RAP1A: variants seen among roughly 807,000 people sequenced by gnomAD.
RAP1A encodes ras-related protein Rap-1A.
Under a neutral mutation model 26.4 loss-of-function variants are expected in RAP1A, and 6 were observed. That is an observed-to-expected ratio of 0.23 (90% confidence interval 0.12 to 0.45). The LOEUF is 0.45. RAP1A is among the 20% of genes least tolerant of loss of function. RAP1A has a pLI of 0.99. For synonymous variants in RAP1A, 73 were observed against 79.4 expected, an observed-to-expected ratio of 0.92 and a Z score of 0.43; for missense variants, 121 against 217.2, an observed-to-expected ratio of 0.56 and a Z score of 2.78.
At chr1:111,656,317 C>T (rs1361105511) in intron 1 of RAP1A, among the ~76,000 whole-genome samples, 1 of 152,122 alleles carries the variant, frequency 6.6e-6, no homozygotes, top group Non-Finnish European at 1.5e-5. Flanking sequence ...GTCTTGAGAA[C>T]AGTTCATTCT....
At chr1:111,677,483 A>G (rs1370908887) in intron 1 of RAP1A, among the ~76,000 whole-genome samples, 1 of 152,130 alleles carries the variant, frequency 6.6e-6, no homozygotes, top group Non-Finnish European at 1.5e-5. Context: ...TGGATCAGGG[A>G]TTTGAGAGTG....
chr1:111,609,796 C>T (rs1366537368), intron 1 of RAP1A, among the ~76,000 whole-genome samples: 16 of 152,036 alleles, frequency 1.1e-4, no homozygotes, highest in Non-Finnish European at 5.9e-5. Context: ...CCACCATACC[C>T]GGCTAATTTT....
chr1:111,615,370 G>A (rs1442369116), upstream of RAP1A, among the ~76,000 whole-genome samples: 3 of 151,700 alleles, frequency 2.0e-5, no homozygotes, highest in African/African-American at 2.4e-5. Context: ...CAAAAGTCTC[G>A]ACCTAGGTTA....
Position 111,563,733 on chromosome 1 carries a change from C to G in RAP1A, c.-28+21224C>G. On this transcript the variant is annotated intron_variant, in intron 1 of 7. Transcript: ENST00000356415. ...CTCTATTTTACACGCTAGGACAAAG[C>G]ATTGATTAAGTAGCTTGCCCCATAT... is the stretch of plus-strand genomic sequence containing the variant. The G allele has an allele frequency of 5.4e-6, 4 of 741,764 alleles. 1 individual carries two copies. The highest frequency in any genetic ancestry group is 9.4e-6 in the Non-Finnish European group (4 of 425,588). The allele number at this position is 741,764 out of a possible 1,614,324, so 45.9% of individuals were successfully genotyped here.
At chr1:111,572,335 G>C (rs1658066394) in intron 1 of RAP1A, among the ~76,000 whole-genome samples, 1 of 152,222 alleles carries the variant, frequency 6.6e-6, no homozygotes, top group Non-Finnish European at 1.5e-5. Flanking sequence ...TTTCTTACAT[G>C]TTGTGAATTG....
At chr1:111,554,608 T>G (rs1017583434) in intron 1 of RAP1A, among the ~76,000 whole-genome samples, 2 of 152,148 alleles carry the variant, frequency 1.3e-5, no homozygotes, top group African/African-American at 4.8e-5. Flanking sequence ...CAGTGAATAA[T>G]TAAAAGAGAC....
intron 7 of RAP1A, among the ~76,000 whole-genome samples, chr1:111,711,638 G>A (rs909349764): frequency 6.6e-6 from 1 of 152,196 alleles, no homozygotes; most frequent in Non-Finnish European, 1.5e-5. Flanking sequence ...ATACATTTTA[G>A]TGTGATTGTA....
intron 1 of RAP1A, among the ~76,000 whole-genome samples, chr1:111,558,449 A>G (rs1657596424): frequency 6.6e-6 from 1 of 152,086 alleles, no homozygotes; most frequent in Admixed American, 6.5e-5. Context: ...AGCCTCCCAA[A>G]GTGCTGGGAC....
At chr1:111,648,205 A>AT (rs34499342) in intron 1 of RAP1A, 307 of 271,436 alleles carry the variant, frequency 1.1e-3, no homozygotes, top group Middle Eastern at 2.6e-3. Context: ...GTGTGTGTGT[A>AT]TTTTTTTTTT....
chr1:111,556,958 T>C (rs1471447134), intron 1 of RAP1A, among the ~76,000 whole-genome samples: 1 of 151,906 alleles, frequency 6.6e-6, no homozygotes, highest in Non-Finnish European at 1.5e-5. Context: ...TGGGGAAAAA[T>C]AATGGTTGAG....
At chr1:111,627,566 C>T (rs1294091603) in intron 1 of RAP1A, 1 of 151,800 alleles carries the variant, frequency 6.6e-6, no homozygotes, top group Non-Finnish European at 1.5e-5. Flanking sequence ...TTGAGTAGGT[C>T]AGTTTTTACA....
At chr1:111,694,862 G>A (rs907415772) in intron 2 of RAP1A, among the ~76,000 whole-genome samples, 1 of 152,150 alleles carries the variant, frequency 6.6e-6, no homozygotes, top group African/African-American at 2.4e-5. Flanking sequence ...CTACCTGGGA[G>A]GCTGAGGCGG....
chr1:111,549,952 T>G (rs1657195752), intron 1 of RAP1A, among the ~76,000 whole-genome samples: 1 of 152,160 alleles, frequency 6.6e-6, no homozygotes, highest in Admixed American at 6.5e-5. Context: ...ACAGCCAGCC[T>G]TGTTTTGGGT....
At chr1:111,672,628 GT>G (rs1661009803) in intron 1 of RAP1A, among the ~76,000 whole-genome samples, 11 of 152,124 alleles carry the variant, frequency 7.2e-5, no homozygotes, top group Admixed American at 6.5e-4. Context: ...CCATAGATAG[GT>G]ATCCCCAAAG....
chr1:111,675,418 G>T (rs113746064), intron 1 of RAP1A, among the ~76,000 whole-genome samples: 19,200 of 152,012 alleles, frequency 0.13, 1,539 homozygotes, highest in South Asian at 0.18. Context: ...TTTGCAGTGA[G>T]CCGAGATCGC....
At chr1:111,584,510 C>A (rs1658323095) in intron 1 of RAP1A, among the ~76,000 whole-genome samples, 1 of 152,074 alleles carries the variant, frequency 6.6e-6, no homozygotes, top group African/African-American at 2.4e-5. Flanking sequence ...TATAAGGGCA[C>A]TAATCCTATT....
At chr1:111,707,121 CAG>C (rs1172678487) in intron 6 of RAP1A, among the ~76,000 whole-genome samples, 3 of 151,950 alleles carry the variant, frequency 2.0e-5, no homozygotes, top group Admixed American at 6.6e-5. Context: ...AATAAGATGA[CAG>C]AGAGTTAAAT....
At chr1:111,548,023 T>A (rs2786972) in intron 1 of RAP1A, among the ~76,000 whole-genome samples, 148,551 of 152,286 alleles carry the variant, frequency 0.98, 72,523 homozygotes, top group Non-Finnish European at 1. Flanking sequence ...TTTGTTTGTT[T>A]GTTTGTTTGT....
At chr1:111,577,047 T>C (rs1447448885) in intron 1 of RAP1A, among the ~76,000 whole-genome samples, 1 of 152,122 alleles carries the variant, frequency 6.6e-6, no homozygotes, top group East Asian at 1.9e-4. Context: ...TGGATCCAAA[T>C]ACTTGGGGAT....
Sources: allele counts gnomAD v4.1 joint callset (sites outside exome capture counted in the v4.1 genomes callset), GRCh38; gene constraint gnomAD v4.1.1; transcripts MANE v1.5; gene names NCBI Gene and HGNC (gene_info 2026-07-23, HGNC 2026-07-21).